KLHL21: variants seen among roughly 807,000 people sequenced by gnomAD.
The protein encoded by KLHL21 is kelch like family member 21.
KLHL21 carries 42 observed loss-of-function variants against 44.1 expected under a neutral mutation model. That is an observed-to-expected ratio of 0.95 (90% CI 0.74 to 1.23). The LOEUF is 1.23. KLHL21 is among the 50% of genes most tolerant of loss of function. The pLI, the probability that KLHL21 is intolerant of heterozygous loss-of-function variation, is 0.00. For synonymous variants in KLHL21, 524 were observed against 411.6 expected (o/e 1.27, Z -3.31); for missense variants, 918 against 889.1 (o/e 1.03, Z -0.41).
At position 6,591,358 on chromosome 1, in the gene KLHL21, G is replaced by T. The variant is rs1640847713; in HGVS notation, c.*2007C>A. ...CATCTGAGTGGCCGACACAAGCCTGGAGTACGGCAGCTGCCAACCACAGCA... is the reference window on the plus strand; with the variant it reads ...CATCTGAGTGGCCGACACAAGCCTGTAGTACGGCAGCTGCCAACCACAGCA... On this transcript the variant is annotated 3_prime_UTR_variant, in exon 4 of 4. Transcript: ENST00000377658. 4.3e-6 allele frequency: 1 copy of T among 231,210 alleles called. No homozygotes were observed. Among genetic ancestry groups the T allele is most frequent in the Non-Finnish European group, 8.3e-6 (1 of 120,284 alleles). The allele number at this position is 231,210 out of a possible 1,614,324, so 14.3% of individuals were successfully genotyped here. A position where few individuals can be genotyped will look rare whatever the true frequency, so the allele number is the denominator to read the frequency against.
At position 6,593,203 on chromosome 1, in the gene KLHL21, G is replaced by A; in HGVS notation, c.*162C>T. 1 of 721,158 alleles carries A rather than the reference G, an allele frequency of 1.4e-6. No individual in the cohort carries two copies. Among genetic ancestry groups the A allele is most frequent in the Non-Finnish European group, 2.2e-6 (1 of 455,318 alleles). 44.7% of individuals were successfully genotyped at this position (721,158 alleles called of 1,614,324 possible). On this transcript the variant is annotated 3_prime_UTR_variant, in exon 4 of 4. Coordinates refer to ENST00000377658, the MANE Select transcript of KLHL21 (RefSeq NM_014851.4). ...ACGGCCTCTGATTCAGGCTCTCAAG[G>A]TACAGAAACCTTCCAGGTAATGGAT...
Position 6,599,038 on chromosome 1 carries a change from G to A in KLHL21, c.1427+9C>T. On this transcript the variant is annotated intron_variant, in intron 2 of 3. Coordinates refer to ENST00000377658, the MANE Select transcript of KLHL21 (RefSeq NM_014851.4). The stretch of plus-strand genomic sequence containing the variant: ...AAACACACAGTGGGGCTCGGCACCT[G>A]GAACTCACCTGACAAAGTACATGAG... 2 of 1,563,172 alleles carry A rather than the reference G, an allele frequency of 1.3e-6. No homozygotes were observed. The highest frequency in any genetic ancestry group is 8.7e-7 in the Non-Finnish European group (1 of 1,151,748).
rs1256095261 is a variant in KLHL21, at chr1:6,602,447, G to C, written c.371C>G (p.Ala124Gly). ...DLLQFPAVKE[A>G]CGAFLQQQLD... ...CTGCTGCTGCAGGAAGGCCCCGCAC[G>C]CCTCCTTCACGGCCGGGAACTGCAG... The change falls in exon 1 of 4, where the codon GCG (alanine) becomes GGG (glycine). Residue 124 changes from alanine (A) to glycine (G), a missense_variant. Ala to Gly is a moderately conservative substitution (Grantham distance 60). Coordinates refer to ENST00000377658, the MANE Select transcript of KLHL21 (RefSeq NM_014851.4). 6.3e-7 allele frequency: 1 copy of C among 1,587,216 alleles called. No individual in the cohort carries two copies. The highest frequency in any genetic ancestry group is 8.5e-7 in the Non-Finnish European group (1 of 1,172,344).
In KLHL21 at chr1:6,593,126, CAT is replaced by C. The variant is rs560743615; in HGVS notation, c.*237_*238del. 251 of 526,200 alleles carry C rather than the reference CAT, an allele frequency of 4.8e-4. 7 individuals are homozygous for C. In the South Asian group the frequency reaches 6.8e-3, roughly 14 times the overall value. The allele number at this position is 526,200 out of a possible 1,614,324, so 32.6% of individuals were successfully genotyped here. ...GGGGGTGACCTCCAAGACCCAGAAA[CAT>C]GTGCTGGCAGGAAAGTGGCTCTTCC... On this transcript the variant is annotated 3_prime_UTR_variant, in exon 4 of 4. Transcript: ENST00000377658.
rs145138715 is a variant in KLHL21, at chr1:6,599,126, G to T, written c.1348C>A (p.Leu450Met). 1.1e-4 allele frequency: 182 copies of T among 1,613,620 alleles called. 1 individual carries two copies. The highest frequency in any genetic ancestry group is 2.1e-5 in the Non-Finnish European group (25 of 1,179,922). Residue 450 changes from leucine (L) to methionine (M), a missense_variant, in exon 2 of 4, where the codon CTG (leucine) becomes ATG (methionine). Coordinates refer to ENST00000377658, the MANE Select transcript of KLHL21 (RefSeq NM_014851.4). ...CYDPDTDLWS[L>M]VDCGQLPPWS... The stretch of plus-strand genomic sequence containing the variant: ...GGCGGGAGCTGGCCGCAGTCCACCA[G>T]CGACCACAGGTCGGTGTCCGGGTCG...
rs1640874884 is a variant in KLHL21 at position 6,593,106 on chromosome 1, T to C, written c.*259A>G. Reference sequence around the variant, plus strand: ...TGAGCTGTGATCCGCGGGGTGGGGGTGACCTCCAAGACCCAGAAACATGTG... The same window carrying C: ...TGAGCTGTGATCCGCGGGGTGGGGGCGACCTCCAAGACCCAGAAACATGTG... On this transcript the variant is annotated 3_prime_UTR_variant, in exon 4 of 4. Transcript: ENST00000377658. The C allele has an allele frequency of 4.2e-6, 2 of 479,040 alleles. No individual in the cohort carries two copies. Among genetic ancestry groups the C allele is most frequent in the South Asian group, 4.1e-5 (1 of 24,130 alleles). 29.7% of individuals were successfully genotyped at this position (479,040 alleles called of 1,614,324 possible).
chr1:6,602,450 T>C lies in KLHL21; in HGVS notation c.368A>G (p.Glu123Gly). ...CTGCTGCAGGAAGGCCCCGCACGCC[T>C]CCTTCACGGCCGGGAACTGCAGCAG... ...ADLLQFPAVK[E>G]ACGAFLQQQL... The change falls in exon 1 of 4, where the codon GAG becomes GGG. Residue 123 changes from glutamate to glycine, a missense_variant. Coordinates refer to ENST00000377658, the MANE Select transcript of KLHL21 (RefSeq NM_014851.4). 1 of 1,585,274 alleles carries C rather than the reference T, an allele frequency of 6.3e-7. No homozygotes were observed. The highest frequency in any genetic ancestry group is 8.5e-7 in the Non-Finnish European group (1 of 1,171,470).
At chr1:6,600,016 TAATA>T (rs1472899064) in intron 1 of KLHL21, among the ~76,000 whole-genome samples, 2 of 152,132 alleles carry the variant, frequency 1.3e-5, no homozygotes, top group African/African-American at 4.8e-5. Flanking sequence ...TGTGTAAGTA[TAATA>T]TATATATATA....
intron 1 of KLHL21, chr1:6,599,677 A>C: frequency 1.7e-6 from 1 of 581,246 alleles, no homozygotes. Flanking sequence ...GCCTCTACCA[A>C]ACAAAGGTCC....
At position 6,599,193 on chromosome 1, in the gene KLHL21, G is replaced by A. The variant is rs749714034; in HGVS notation, c.1281C>T (p.Ile427=). 6.2e-6 allele frequency: 10 copies of A among 1,614,128 alleles called. No individual in the cohort carries two copies. The highest frequency in any genetic ancestry group is 4.5e-5 in the East Asian group (2 of 44,876). Residue 427 remains isoleucine, a synonymous_variant, in exon 2 of 4, where the codon ATC becomes ATT. Transcript: ENST00000377658. The part of the protein sequence containing the change: ...TTACRGRLYA[I]GSLAGKETMV... ...TGGTCTCCTTGCCAGCCAGGGAGCCGATGGCATAGAGCCGGCCACGGCACG... is the reference window on the plus strand; with the variant it reads ...TGGTCTCCTTGCCAGCCAGGGAGCCAATGGCATAGAGCCGGCCACGGCACG...
chr1:6,597,724 G>A (rs1326695518), intron 2 of KLHL21, among the ~76,000 whole-genome samples: 1 of 152,238 alleles, frequency 6.6e-6, no homozygotes, highest in Non-Finnish European at 1.5e-5. Flanking sequence ...CAAGGAGCAG[G>A]GAGCTCACAT....
In KLHL21 at chr1:6,602,529, C is replaced by T. The variant is rs1346587341; in HGVS notation, c.289G>A (p.Gly97Ser). 4 of 1,540,562 alleles carry T rather than the reference C, an allele frequency of 2.6e-6. No homozygotes were observed. Among genetic ancestry groups the T allele is most frequent in the Non-Finnish European group, 3.5e-6 (4 of 1,148,802 alleles). Residue 97 changes from glycine (G) to serine (S), a missense_variant, in exon 1 of 4, where the codon GGC becomes AGC. Gly to Ser is a moderately conservative substitution (Grantham distance 56). Transcript: ENST00000377658. The part of the protein sequence containing the change: ...LQLLLDFSYT[G>S]RVAVSGDNAE... ...TTGTCGCCGCTTACCGCCACGCGGC[C>T]CGTGTAGCTGAAGTCCAGCAGCAGC... is the stretch of plus-strand genomic sequence containing the variant.
chr1:6,590,874 A>C lies in KLHL21; in HGVS notation c.*2491T>G, dbSNP rs1640837860. On this transcript the variant is annotated 3_prime_UTR_variant, in exon 4 of 4. Coordinates refer to ENST00000377658, the MANE Select transcript of KLHL21 (RefSeq NM_014851.4). The stretch of plus-strand genomic sequence containing the variant: ...TGAACTGGATGTGGACACTGGAGGG[A>C]GGGCGTCCTTTATTACATACGCGTC... 2 of 398,568 alleles carry C rather than the reference A, an allele frequency of 5.0e-6. No individual in the cohort carries two copies. Among genetic ancestry groups the C allele is most frequent in the Non-Finnish European group, 8.8e-6 (2 of 226,022 alleles). 24.7% of individuals were successfully genotyped at this position (398,568 alleles called of 1,614,324 possible).
In KLHL21 at chr1:6,593,260, GCTC is replaced by G; in HGVS notation, c.*102_*104del. The G allele has an allele frequency of 7.9e-7, 1 of 1,260,308 alleles. No homozygotes were observed. Among genetic ancestry groups the G allele is most frequent in the Non-Finnish European group, 1.1e-6 (1 of 922,366 alleles). 78.1% of individuals were successfully genotyped at this position (1,260,308 alleles called of 1,614,324 possible). On this transcript the variant is annotated 3_prime_UTR_variant, in exon 4 of 4. Coordinates refer to ENST00000377658, the MANE Select transcript of KLHL21 (RefSeq NM_014851.4). Reference sequence around the variant, plus strand: ...CTGGCTTCGCCACCCAAGAGCCTGTGCTCCTCCTGTGAGCCCAACGTGTCCTTG... The same window carrying G: ...CTGGCTTCGCCACCCAAGAGCCTGTGCTCCTGTGAGCCCAACGTGTCCTTG...
At chr1:6,597,498 T>C (rs936923746) in intron 2 of KLHL21, among the ~76,000 whole-genome samples, 2 of 152,250 alleles carry the variant, frequency 1.3e-5, no homozygotes, top group Admixed American at 1.3e-4. Context: ...TGATGTTTTA[T>C]AATGGGACCA....
Position 6,595,453 on chromosome 1 carries a change from T to C in KLHL21, c.1500+32A>G, listed in dbSNP as rs764620993. 4 of 1,607,780 alleles carry C rather than the reference T, an allele frequency of 2.5e-6. No individual in the cohort carries two copies. The Admixed American group carries it at 5.0e-5, about 20-fold the overall frequency. ...GGGTTGCAAAATCAGGACCAGCCTG[T>C]GCTTCCAATGCTGGCCCGCCTGAAA... is the stretch of plus-strand genomic sequence containing the variant. On this transcript the variant is annotated intron_variant, in intron 3 of 3. Transcript: ENST00000377658.
In KLHL21 at chr1:6,601,678, C is replaced by T; in HGVS notation, c.1021+119G>A. 7 of 1,419,762 alleles carry T rather than the reference C, an allele frequency of 4.9e-6. No individual in the cohort carries two copies. The South Asian group carries it at 1.0e-4, about 21-fold the overall frequency. 87.9% of individuals were successfully genotyped at this position (1,419,762 alleles called of 1,614,324 possible). A position where few individuals can be genotyped will look rare whatever the true frequency, so the allele number is the denominator to read the frequency against. Reference sequence around the variant, plus strand: ...AGACATGTAGTCACCAGAGCCCCAGCTTGGACTCAGGTGCGCCCCTAGGAT... The same window carrying T: ...AGACATGTAGTCACCAGAGCCCCAGTTTGGACTCAGGTGCGCCCCTAGGAT... On this transcript the variant is annotated intron_variant, in intron 1 of 3. Transcript: ENST00000377658.
chr1:6,602,695 C>T lies in KLHL21; in HGVS notation c.123G>A (p.Ala41=), dbSNP rs575418153. ...GCGCCGGGAAGTCGCGCCCGCCCGC[C>T]GCCTCCAGGGTCACGTCCAGGAACT... ...ERKFLDVTLE[A]AGGRDFPAHR... is the part of the protein sequence containing the mutation. Residue 41 remains alanine (A), a synonymous_variant, in exon 1 of 4, where the codon GCG becomes GCA. Coordinates refer to ENST00000377658, the MANE Select transcript of KLHL21 (RefSeq NM_014851.4). The T allele has an allele frequency of 2.0e-4, 296 of 1,513,518 alleles. No homozygotes were observed. The highest frequency in any genetic ancestry group is 1.0e-3 in the Admixed American group (50 of 48,968). The allele number at this position is 1,513,518 out of a possible 1,614,324, so 93.8% of individuals were successfully genotyped here.
At chr1:6,596,927 A>G (rs552971197) in intron 2 of KLHL21, among the ~76,000 whole-genome samples, 1 of 152,360 alleles carries the variant, frequency 6.6e-6, no homozygotes, top group Admixed American at 6.5e-5. Flanking sequence ...CAAGCTGCCC[A>G]AAGACAGGTG....
Sources: allele counts gnomAD v4.1 joint callset (sites outside exome capture counted in the v4.1 genomes callset), GRCh38; gene constraint gnomAD v4.1.1; transcripts MANE v1.5; gene names NCBI Gene and HGNC (gene_info 2026-07-23, HGNC 2026-07-21).